The following ZNF697 variants were observed in gnomAD, a reference collection of about 807,000 sequenced individuals.
ZNF697 encodes the protein zinc finger protein 697.
A neutral mutation model predicts 32.4 loss-of-function variants in ZNF697; 23 were observed. The ratio of observed to expected loss-of-function variants is 0.71; its 90% CI spans 0.51 to 1.01. The LOEUF is 1.01. Among genes scored for constraint, ZNF697 ranks in the 50% least tolerant of loss-of-function variants. ZNF697 has a pLI of 0.00. For synonymous variants in ZNF697, 418 were observed against 337.2 expected, an observed-to-expected ratio of 1.24 and a Z score of -2.62; for missense variants, 930 against 794.0, an observed-to-expected ratio of 1.17 and a Z score of -2.06.
intron 1 of ZNF697, among the ~76,000 whole-genome samples, chr1:119,629,386 T>A (rs1219552056): frequency 1.3e-5 from 2 of 152,210 alleles, no homozygotes; most frequent in Non-Finnish European, 2.9e-5. Flanking sequence ...CCAGCTCCTT[T>A]CCCATTCATT....
intron 1 of ZNF697, among the ~76,000 whole-genome samples, chr1:119,630,852 A>G (rs990732523): frequency 2.0e-5 from 3 of 152,072 alleles, no homozygotes; most frequent in Non-Finnish European, 4.4e-5. Context: ...CCTGAGAAAC[A>G]GGGCAAGACC....
chr1:119,639,781 G>A (rs1175849511), intron 1 of ZNF697, among the ~76,000 whole-genome samples: 5 of 151,356 alleles, frequency 3.3e-5, no homozygotes, highest in Admixed American at 2.6e-4. Flanking sequence ...GGAGGGCTGA[G>A]GTGGGAGGAT....
chr1:119,631,950 T>C (rs1397499197), intron 1 of ZNF697, among the ~76,000 whole-genome samples: 1 of 152,130 alleles, frequency 6.6e-6, no homozygotes, highest in Non-Finnish European at 1.5e-5. Context: ...GGACACCCGA[T>C]TGGGTAGAGC....
intron 1 of ZNF697, among the ~76,000 whole-genome samples, chr1:119,640,170 G>C (rs1340287758): frequency 3.9e-5 from 6 of 152,024 alleles, no homozygotes; most frequent in Non-Finnish European, 8.8e-5. Context: ...CCTCCCAACT[G>C]TAAGTTCCTT....
intron 1 of ZNF697, among the ~76,000 whole-genome samples, chr1:119,628,924 T>C (rs1648682326): frequency 1.3e-5 from 2 of 152,236 alleles, no homozygotes; most frequent in African/African-American, 4.8e-5. Context: ...CAGAAGTTTA[T>C]TAAAATACTA....
At chr1:119,629,903 G>A (rs409998) in intron 1 of ZNF697, among the ~76,000 whole-genome samples, 1 of 152,206 alleles carries the variant, frequency 6.6e-6, no homozygotes, top group African/African-American at 2.4e-5. Flanking sequence ...GGTAGAGGGA[G>A]AAAGGTTTAA....
intron 1 of ZNF697, among the ~76,000 whole-genome samples, chr1:119,646,767 G>A (rs1251148854): frequency 1.3e-5 from 2 of 152,172 alleles, no homozygotes; most frequent in Non-Finnish European, 2.9e-5. Context: ...GGGGAGAAAG[G>A]AGAGATAGTG....
Position 119,648,064 on chromosome 1 carries a change from C to A in ZNF697, c.-411G>T, listed in dbSNP as rs1649264087. Among the ~76,000 whole-genome samples the A allele has an allele frequency of 6.6e-6, 1 of 152,326 alleles. No individual in the cohort carries two copies. The highest frequency in any genetic ancestry group is 6.5e-5 in the Admixed American group (1 of 15,308). ...GCGGTTGAGCCCAGCCACAGCCACGCTCCTACCTGCGAGGCGGCTGGCGCG... is the reference window on the plus strand; with the variant it reads ...GCGGTTGAGCCCAGCCACAGCCACGATCCTACCTGCGAGGCGGCTGGCGCG... On this transcript the variant is annotated 5_prime_UTR_variant, in exon 1 of 3. Transcript: ENST00000421812.
At chr1:119,634,569 T>C (rs942990040) in intron 1 of ZNF697, among the ~76,000 whole-genome samples, 22 of 152,234 alleles carry the variant, frequency 1.4e-4, no homozygotes, top group Admixed American at 1.2e-3. Context: ...AAAAACAGGT[T>C]TGAAATAATT....
At chr1:119,640,347 A>C (rs1394958815) in intron 1 of ZNF697, among the ~76,000 whole-genome samples, 1 of 152,244 alleles carries the variant, frequency 6.6e-6, no homozygotes, top group Non-Finnish European at 1.5e-5. Flanking sequence ...ACATCAGGTA[A>C]GGTAGAGTCA....
chr1:119,626,334 C>A (rs1648588023), intron 1 of ZNF697, among the ~76,000 whole-genome samples, 197 bp from the exon 2 acceptor site: 1 of 152,194 alleles, frequency 6.6e-6, no homozygotes, highest in Non-Finnish European at 1.5e-5. Context: ...ACAGTGACAA[C>A]CTCACTATGA....
Position 119,622,620 on chromosome 1 carries a change from T to G in ZNF697, c.*85A>C. The G allele has an allele frequency of 7.4e-7, 1 of 1,351,886 alleles. No individual in the cohort carries two copies. Among genetic ancestry groups the G allele is most frequent in the Non-Finnish European group, 9.7e-7 (1 of 1,029,828 alleles). The allele number at this position is 1,351,886 out of a possible 1,614,324, so 83.7% of individuals were successfully genotyped here. ...ACTCTCAGATTGTCCCTCCCGCCCC[T>G]TCCCCACTTCCTTCCCCTGGGTCAG... On this transcript the variant is annotated 3_prime_UTR_variant, in exon 3 of 3. Coordinates refer to ENST00000421812, the MANE Select transcript of ZNF697 (RefSeq NM_001080470.2).
intron 1 of ZNF697, among the ~76,000 whole-genome samples, chr1:119,637,055 CAAA>C (rs1276174722): frequency 1.3e-5 from 2 of 152,220 alleles, no homozygotes; most frequent in Admixed American, 1.3e-4. Flanking sequence ...ACCCAGTACA[CAAA>C]ATGCTTTGTT....
rs1649127091 is a variant in ZNF697 at position 119,643,364 on chromosome 1, G to C, written c.-38+4327C>G. Among the ~76,000 whole-genome samples the C allele has an allele frequency of 2.0e-5, 3 of 152,250 alleles. No individual in the cohort carries two copies. In the South Asian group the frequency reaches 6.2e-4, roughly 32 times the overall value. Reference sequence around the variant, plus strand: ...TATTCTCCTTTAACATGACTAATGTGCTTCTAACAACCCATAGCACACTGT... The same window carrying C: ...TATTCTCCTTTAACATGACTAATGTCCTTCTAACAACCCATAGCACACTGT... On this transcript the variant is annotated intron_variant, in intron 1 of 2. Transcript: ENST00000421812.
Position 119,623,298 on chromosome 1 carries a change from C to T in ZNF697, c.1045G>A (p.Ala349Thr), listed in dbSNP as rs1329815838. ...HAAASGAGAA[A>T]LRPFACGECG... ...TCCCCGCAGGCGAAGGGCCGCAGCG[C>T]CGCCGCCCCCGCGCCGCTGGCCGCC... is the stretch of plus-strand genomic sequence containing the variant. Residue 349 changes from alanine (A) to threonine (T), a missense_variant, in exon 3 of 3, where the codon GCG (alanine) becomes ACG (threonine). Coordinates refer to ENST00000421812, the MANE Select transcript of ZNF697 (RefSeq NM_001080470.2). 2.0e-5 allele frequency: 27 copies of T among 1,359,632 alleles called. No individual in the cohort carries two copies. The highest frequency in any genetic ancestry group is 2.4e-5 in the Non-Finnish European group (25 of 1,059,936). 84.2% of individuals were successfully genotyped at this position (1,359,632 alleles called of 1,614,324 possible).
chr1:119,642,103 G>T (rs1557942012), intron 1 of ZNF697, among the ~76,000 whole-genome samples: 1 of 152,154 alleles, frequency 6.6e-6, no homozygotes, highest in African/African-American at 2.4e-5. Flanking sequence ...ACTACTAAAT[G>T]ATAGAAGCCA....
At chr1:119,625,762 T>C in intron 2 of ZNF697, 113 bp downstream of exon 2, 1 of 1,367,334 alleles carries the variant, frequency 7.3e-7, no homozygotes, top group African/African-American at 1.5e-5. Context: ...TGCTTAATGG[T>C]CCCCTCTATG....
At chr1:119,643,058 C>A (rs373459464) in intron 1 of ZNF697, among the ~76,000 whole-genome samples, 1 of 152,186 alleles carries the variant, frequency 6.6e-6, no homozygotes, top group Non-Finnish European at 1.5e-5. Flanking sequence ...CAAAGCAAAA[C>A]ATTTCTTAGC....
intron 2 of ZNF697, 25 bp from the exon 3 acceptor site, chr1:119,624,141 G>A (rs748578789): frequency 6.5e-7 from 1 of 1,534,656 alleles, no homozygotes; most frequent in South Asian, 1.3e-5. Context: ...GGTGGCAGTG[G>A]GGGATTACTA....
Sources: allele counts gnomAD v4.1 joint callset (sites outside exome capture counted in the v4.1 genomes callset), GRCh38; gene constraint gnomAD v4.1.1; transcripts MANE v1.5; gene names NCBI Gene and HGNC (gene_info 2026-07-23, HGNC 2026-07-21).